NEGR1: variants seen among roughly 807,000 people sequenced by gnomAD.
The protein encoded by NEGR1 is IgLON family member 4.
In NEGR1, 10 loss-of-function variants were observed where a neutral mutation model predicts 40.9. The ratio of observed to expected loss-of-function variants is 0.24; its 90% CI spans 0.15 to 0.42. NEGR1 has a LOEUF of 0.42. Among genes scored for constraint, NEGR1 ranks in the 10% least tolerant of loss-of-function variants. The pLI is 1.00. For synonymous variants in NEGR1, 185 were observed against 166.8 expected, an observed-to-expected ratio of 1.11 and a Z score of -0.84; for missense variants, 352 against 438.9, an observed-to-expected ratio of 0.80 and a Z score of 1.77.
Position 72,233,250 on chromosome 1 carries a change from T to C in NEGR1, c.176+49069A>G, listed in dbSNP as rs1410665468. On this transcript the variant is annotated intron_variant, in intron 1 of 6. Coordinates refer to ENST00000357731, the MANE Select transcript of NEGR1 (RefSeq NM_173808.3). ...TTGAGTAGGGAGTAGCAATCCACTA[T>C]GGCTGCCCTTACCAGGGAAACTTTA... Among the ~76,000 whole-genome samples the C allele has an allele frequency of 2.0e-5, 3 of 152,194 alleles. No homozygotes were observed. In the South Asian group the frequency reaches 6.2e-4, roughly 32 times the overall value.
At chr1:71,763,486 G>T (rs1269492687) in intron 3 of NEGR1, among the ~76,000 whole-genome samples, 1 of 152,082 alleles carries the variant, frequency 6.6e-6, no homozygotes, top group Non-Finnish European at 1.5e-5. Context: ...AAAGTAGAAG[G>T]TAAAACATAA....
At chr1:71,609,265 C>A (rs1325657560) in intron 5 of NEGR1, among the ~76,000 whole-genome samples, 3 of 151,628 alleles carry the variant, frequency 2.0e-5, no homozygotes, top group Non-Finnish European at 2.9e-5. Flanking sequence ...CCTGTAATCC[C>A]AGCACTTTGG....
chr1:71,624,905 C>T lies in NEGR1; in HGVS notation c.668-13759G>A, dbSNP rs912184254. Among the ~76,000 whole-genome samples the T allele has an allele frequency of 5.3e-5, 8 of 152,098 alleles. No individual in the cohort carries two copies. The South Asian group carries it at 6.2e-4, about 12-fold the overall frequency. ...CTTTATTGTTAGTTGTCTCCCCTCT[C>T]GCATTGGAATGTACAATTCACAAGG... On this transcript the variant is annotated intron_variant, in intron 4 of 6. Coordinates refer to ENST00000357731, the MANE Select transcript of NEGR1 (RefSeq NM_173808.3).
intron 1 of NEGR1, among the ~76,000 whole-genome samples, chr1:72,222,626 C>T (rs1044836315): frequency 6.6e-6 from 1 of 152,154 alleles, no homozygotes; most frequent in Non-Finnish European, 1.5e-5. Flanking sequence ...TCTATCCTTA[C>T]ACCTGAAATC....
At chr1:71,438,522 A>G (rs1646525312) in intron 6 of NEGR1, among the ~76,000 whole-genome samples, 1 of 152,222 alleles carries the variant, frequency 6.6e-6, no homozygotes, top group South Asian at 2.1e-4. Flanking sequence ...AGGGCAATAA[A>G]GAGAGGTTTT....
intron 3 of NEGR1, among the ~76,000 whole-genome samples, chr1:71,759,596 C>CTTTTTTTTTTTTTTTTTT (rs71074804): frequency 3.1e-5 from 1 of 31,964 alleles, no homozygotes; most frequent in Non-Finnish European, 6.3e-5. Flanking sequence ...TGCGTCCAGG[C>CTTTTTTTTTTTTTTTTTT]TTTTTTTTTT....
rs142636090 is a variant in NEGR1, at chr1:72,072,722, C to T, written c.177-137411G>A. On this transcript the variant is annotated intron_variant, in intron 1 of 6. Transcript: ENST00000357731. ...TCTTCTGGCTAGCAAAGGCATCGAT[C>T]TGAGCTTGATTCTCAGCACTCCCTG... Among the ~76,000 whole-genome samples, 16 of 146,830 alleles carry T rather than the reference C, an allele frequency of 1.1e-4. 1 individual carries two copies. The East Asian group carries it at 3.1e-3, about 29-fold the overall frequency.
chr1:72,110,192 G>GCACATGTAC (rs1397708437), intron 1 of NEGR1, among the ~76,000 whole-genome samples: 1 of 134,728 alleles, frequency 7.4e-6, no homozygotes, highest in Non-Finnish European at 1.5e-5. Flanking sequence ...TGCACAATGT[G>GCACATGTAC]CACATGTACC....
intron 1 of NEGR1, among the ~76,000 whole-genome samples, chr1:72,065,459 CAA>C (rs556342025): frequency 1.3e-5 from 2 of 152,020 alleles, no homozygotes; most frequent in Non-Finnish European, 2.9e-5. Context: ...ACTGTCTGCC[CAA>C]ATTTGAAATA....
chr1:72,264,545 A>AATTC (rs397793983), intron 1 of NEGR1, among the ~76,000 whole-genome samples: 1 of 150,126 alleles, frequency 6.7e-6, no homozygotes, highest in East Asian at 1.9e-4. Context: ...ATAAATGATT[A>AATTC]TATTTTGAAC....
intron 4 of NEGR1, among the ~76,000 whole-genome samples, chr1:71,636,795 T>C (rs1651166591): frequency 6.6e-6 from 1 of 152,068 alleles, no homozygotes; most frequent in Non-Finnish European, 1.5e-5. Flanking sequence ...CCAAGAATTG[T>C]GTTCCACTTA....
At chr1:71,594,840 C>G (rs1649638130) in intron 5 of NEGR1, among the ~76,000 whole-genome samples, 1 of 152,192 alleles carries the variant, frequency 6.6e-6, no homozygotes. Flanking sequence ...TTGCCCGCAT[C>G]TTTGTGATAG....
At chr1:72,281,981 C>G (rs182917331) in intron 1 of NEGR1, among the ~76,000 whole-genome samples, 1 of 152,126 alleles carries the variant, frequency 6.6e-6, no homozygotes, top group Non-Finnish European at 1.5e-5. Context: ...ACTTGTCAGA[C>G]TCTCCAGGAG....
intron 2 of NEGR1, among the ~76,000 whole-genome samples, chr1:71,926,137 G>A (rs1645770140): frequency 6.6e-6 from 1 of 151,796 alleles, no homozygotes; most frequent in African/African-American, 2.4e-5. Flanking sequence ...ATCATTAAAG[G>A]GACTTTTAAA....
intron 6 of NEGR1, among the ~76,000 whole-genome samples, chr1:71,457,125 C>A (rs2101337803): frequency 6.6e-6 from 1 of 152,246 alleles, no homozygotes; most frequent in East Asian, 1.9e-4. Flanking sequence ...ATTCTTCATT[C>A]ACAAGGCATC....
intron 1 of NEGR1, among the ~76,000 whole-genome samples, chr1:72,177,428 G>A (rs1652214412): frequency 6.6e-6 from 1 of 151,870 alleles, no homozygotes; most frequent in Admixed American, 6.6e-5. Flanking sequence ...TCCTATTACT[G>A]AACATTTATT....
chr1:71,711,991 T>C (rs1000102550), intron 3 of NEGR1, among the ~76,000 whole-genome samples: 47 of 152,192 alleles, frequency 3.1e-4, no homozygotes, highest in African/African-American at 1.1e-3. Context: ...AGGTGAAGAA[T>C]AGATCAGTTG....
At chr1:72,177,218 T>A (rs1652199833) in intron 1 of NEGR1, among the ~76,000 whole-genome samples, 1 of 152,050 alleles carries the variant, frequency 6.6e-6, no homozygotes, top group Admixed American at 6.6e-5. Flanking sequence ...GAAGAAGGTA[T>A]GCAACTTTAC....
intron 1 of NEGR1, among the ~76,000 whole-genome samples, chr1:72,112,481 A>G (rs143962898): frequency 0.011 from 1,616 of 151,692 alleles, 22 homozygotes; most frequent in Non-Finnish European, 0.016. Flanking sequence ...TCTGATCTCA[A>G]ATTGTTCTGA....
Sources: allele counts gnomAD v4.1 joint callset (sites outside exome capture counted in the v4.1 genomes callset), GRCh38; gene constraint gnomAD v4.1.1; transcripts MANE v1.5; gene names NCBI Gene and HGNC (gene_info 2026-07-23, HGNC 2026-07-21).